The following LRMDA variants were observed in gnomAD, a reference collection of about 807,000 sequenced individuals.
The protein encoded by LRMDA is leucine rich melanocyte differentiation associated.
In LRMDA, 18 loss-of-function variants were observed where a neutral mutation model predicts 29.8. The ratio of observed to expected loss-of-function variants is 0.60; its 90% CI spans 0.42 to 0.90. The LOEUF is 0.90. LRMDA is among the 40% of genes least tolerant of loss of function. The probability of loss-of-function intolerance (pLI) is 0.00; values close to 1 mark genes in which losing one functional copy is unlikely to be tolerated. For missense variants in LRMDA, 273 were observed against 273.9 expected (o/e 1.00, Z 0.02); for synonymous variants, 125 against 109.4 (o/e 1.14, Z -0.89).
intron 4 of LRMDA, among the ~76,000 whole-genome samples, chr10:76,048,994 G>A (rs1044395538): frequency 6.6e-6 from 1 of 152,144 alleles, no homozygotes; most frequent in African/African-American, 2.4e-5. Flanking sequence ...GGGAGATGCA[G>A]GGATCTTTGG....
At chr10:76,324,378 T>C in intron 5 of LRMDA, 23 bp from the exon 6 acceptor site, 1 of 1,611,776 alleles carries the variant, frequency 6.2e-7, no homozygotes, top group Non-Finnish European at 8.5e-7. Context: ...TTGCTTCATG[T>C]TGACTTTGCT....
intron 6 of LRMDA, among the ~76,000 whole-genome samples, chr10:76,548,290 C>T (rs1446616719): frequency 1.3e-5 from 2 of 152,034 alleles, no homozygotes; most frequent in East Asian, 1.9e-4. Flanking sequence ...TCCTCCAATA[C>T]AGTTAAAGAA....
At chr10:75,483,193 C>T (rs542907786) in intron 2 of LRMDA, among the ~76,000 whole-genome samples, 70 of 152,238 alleles carry the variant, frequency 4.6e-4, no homozygotes, top group African/African-American at 1.6e-3. Context: ...GCAATCCACC[C>T]GCCTCAGCCT....
At chr10:76,207,494 A>G (rs1305777166) in intron 5 of LRMDA, among the ~76,000 whole-genome samples, 1 of 152,230 alleles carries the variant, frequency 6.6e-6, no homozygotes, top group East Asian at 1.9e-4. Flanking sequence ...TGACTTAAGT[A>G]TTTATTTTTG....
chr10:76,444,262 C>A (rs1842331784), intron 6 of LRMDA, among the ~76,000 whole-genome samples: 1 of 152,106 alleles, frequency 6.6e-6, no homozygotes, highest in African/African-American at 2.4e-5. Context: ...TGACTTTGAC[C>A]TATTTATTTC....
At position 76,505,838 on chromosome 10, in the gene LRMDA, T is replaced by C. The variant is rs565679081; in HGVS notation, c.602-51371T>C. Among the ~76,000 whole-genome samples the C allele has an allele frequency of 1.1e-3, 173 of 152,264 alleles. 5 individuals are homozygous for C. The South Asian group carries it at 0.035, about 31-fold the overall frequency. On this transcript the variant is annotated intron_variant, in intron 6 of 6. Coordinates refer to ENST00000611255, the MANE Select transcript of LRMDA (RefSeq NM_001305581.2). ...TTTGGAGGGAAAGGAACACTCTGAC[T>C]TTTTGAATTCTCAGGTTTCTTGCAT...
intron 2 of LRMDA, among the ~76,000 whole-genome samples, chr10:75,764,967 G>T (rs1020604991): frequency 4.0e-5 from 6 of 148,596 alleles, no homozygotes; most frequent in African/African-American, 1.5e-4. Context: ...GTGTGTGTGT[G>T]TTCATAGCAT....
At chr10:76,151,574 A>G (rs1850445566) in intron 5 of LRMDA, among the ~76,000 whole-genome samples, 1 of 152,142 alleles carries the variant, frequency 6.6e-6, no homozygotes, top group Non-Finnish European at 1.5e-5. Context: ...GTGGGGGAGG[A>G]AAAAAATATA....
chr10:75,499,822 C>G (rs1845092071), intron 2 of LRMDA, among the ~76,000 whole-genome samples: 1 of 152,026 alleles, frequency 6.6e-6, no homozygotes, highest in South Asian at 2.1e-4. Flanking sequence ...CCCTAAGGTA[C>G]CAAGGTGTCT....
chr10:76,035,935 T>A, intron 2 of LRMDA, 73 bp from the exon 3 acceptor site: 2 of 1,442,188 alleles, frequency 1.4e-6, no homozygotes, highest in Non-Finnish European at 1.8e-6. Context: ...AAGGTTAAAA[T>A]ATTTATTTCG....
At chr10:75,529,422 A>G (rs1845450828) in intron 2 of LRMDA, among the ~76,000 whole-genome samples, 2 of 152,248 alleles carry the variant, frequency 1.3e-5, no homozygotes, top group South Asian at 2.1e-4. Flanking sequence ...AAATGTCTCA[A>G]AAATTTTACC....
At chr10:76,529,058 G>A (rs959213208) in intron 6 of LRMDA, among the ~76,000 whole-genome samples, 7 of 152,078 alleles carry the variant, frequency 4.6e-5, no homozygotes, top group African/African-American at 1.2e-4. Flanking sequence ...AGAAAATCTC[G>A]CATGTCAATG....
intron 5 of LRMDA, among the ~76,000 whole-genome samples, chr10:76,163,974 G>A (rs1314847911): frequency 6.6e-6 from 1 of 152,166 alleles, no homozygotes; most frequent in Admixed American, 6.5e-5. Context: ...TAGACAGGGT[G>A]ACAATTATTC....
chr10:75,743,466 T>A (rs1167576018), intron 2 of LRMDA: 1 of 152,196 alleles, frequency 6.6e-6, no homozygotes, highest in Admixed American at 6.5e-5. Context: ...TTTCCTACAG[T>A]CTGCATTTGT....
intron 2 of LRMDA, among the ~76,000 whole-genome samples, chr10:75,499,550 G>A (rs550919494): frequency 1.3e-5 from 2 of 152,224 alleles, no homozygotes; most frequent in Non-Finnish European, 2.9e-5. Flanking sequence ...TAAGGGGTGT[G>A]CAGTGCTTAG....
At chr10:76,327,118 G>A (rs1272174705) in intron 6 of LRMDA, among the ~76,000 whole-genome samples, 1 of 143,012 alleles carries the variant, frequency 7.0e-6, no homozygotes, top group Non-Finnish European at 1.5e-5. Flanking sequence ...TTGAGATGGA[G>A]CCTCACCCTG....
chr10:76,231,255 T>C (rs928172239), intron 5 of LRMDA, among the ~76,000 whole-genome samples: 24 of 152,340 alleles, frequency 1.6e-4, no homozygotes, highest in African/African-American at 5.3e-4. Flanking sequence ...GATTGTGTTA[T>C]CTAACTATGG....
At chr10:75,599,548 C>G (rs1265950087) in intron 2 of LRMDA, among the ~76,000 whole-genome samples, 1 of 152,160 alleles carries the variant, frequency 6.6e-6, no homozygotes, top group African/African-American at 2.4e-5. Context: ...TTGCAGGCAG[C>G]TGGGGCAAAG....
chr10:76,379,981 G>T (rs1841569589), intron 6 of LRMDA, among the ~76,000 whole-genome samples: 1 of 152,178 alleles, frequency 6.6e-6, no homozygotes, highest in South Asian at 2.1e-4. Context: ...AGATCATTCA[G>T]AAGCAAGTTG....
Sources: gnomAD v4.1 joint callset for allele counts (sites outside exome capture counted in the v4.1 genomes callset) on GRCh38, gnomAD v4.1.1 for gene constraint, MANE v1.5 for transcripts, NCBI Gene and HGNC (gene_info 2026-07-23, HGNC 2026-07-21) for gene names.